SORCS2: variants seen among roughly 807,000 people sequenced by gnomAD.
SORCS2 encodes the protein sortilin related VPS10 domain containing receptor 2.
A neutral mutation model predicts 141.6 loss-of-function variants in SORCS2; 100 were observed. The observed-to-expected ratio is 0.71, with a 90% CI of 0.60 to 0.83. SORCS2 has a LOEUF of 0.83. SORCS2 is among the 40% of genes least tolerant of loss of function. The pLI is 0.00. For synonymous variants in SORCS2, 789 were observed against 676.9 expected (o/e 1.17, Z -2.57); for missense variants, 1,646 against 1,560.2 (o/e 1.05, Z -0.93).
At chr4:7,373,496 T>A (rs1162369577) in intron 1 of SORCS2, among the ~76,000 whole-genome samples, 1 of 89,216 alleles carries the variant, frequency 1.1e-5, no homozygotes, top group African/African-American at 5.1e-5. Flanking sequence ...TTTTTTTTTT[T>A]TTTTTTTTTT....
In SORCS2 at chr4:7,260,977, C is replaced by T. The variant is rs1294139369; in HGVS notation, c.480+67851C>T. Among the ~76,000 whole-genome samples, 3 of 152,146 alleles carry T rather than the reference C, an allele frequency of 2.0e-5. No individual in the cohort carries two copies. The South Asian group carries it at 6.2e-4, about 32-fold the overall frequency. On this transcript the variant is annotated intron_variant, in intron 1 of 26. Transcript: ENST00000507866. ...CACTGAACTTAGTTGATCACGGATC[C>T]CTGTTTTGTTGTTGTTTTTACCTTA...
chr4:7,623,764 C>T (rs1215232096), intron 3 of SORCS2, among the ~76,000 whole-genome samples: 1 of 152,230 alleles, frequency 6.6e-6, no homozygotes, highest in African/African-American at 2.4e-5. Context: ...CGCTTATGCG[C>T]TTTGTCGGTC....
At chr4:7,721,310 A>C (rs558933870) in intron 18 of SORCS2, among the ~76,000 whole-genome samples, 7 of 152,168 alleles carry the variant, frequency 4.6e-5, no homozygotes, top group Non-Finnish European at 1.0e-4. Flanking sequence ...GCTAAAAAAA[A>C]CAAAACTTAG....
intron 1 of SORCS2, among the ~76,000 whole-genome samples, chr4:7,230,136 G>C (rs879055328): frequency 7.6e-5 from 11 of 145,200 alleles, no homozygotes; most frequent in East Asian, 6.3e-4. Flanking sequence ...CTGGGCAGGA[G>C]TAGTGTCATG....
chr4:7,563,479 G>A (rs769264528), intron 3 of SORCS2, among the ~76,000 whole-genome samples: 75 of 152,210 alleles, frequency 4.9e-4, no homozygotes, highest in Middle Eastern at 3.4e-3. Context: ...CAGGAGTTTC[G>A]TGGGGGCATT....
chr4:7,303,000 G>A (rs1717546126), intron 1 of SORCS2, among the ~76,000 whole-genome samples: 1 of 152,184 alleles, frequency 6.6e-6, no homozygotes, highest in South Asian at 2.1e-4. Context: ...AAGCCTCCGT[G>A]GAGGGTCTCT....
chr4:7,373,477 T>TATATATATATATA (rs1399174075), intron 1 of SORCS2, among the ~76,000 whole-genome samples: 1 of 66,498 alleles, frequency 1.5e-5, no homozygotes, highest in Admixed American at 1.8e-4. Context: ...TATATATATA[T>TATATATATATATA]ATTTTTTTTT....
intron 2 of SORCS2, among the ~76,000 whole-genome samples, chr4:7,452,801 G>T (rs528358835): frequency 6.6e-6 from 1 of 152,334 alleles, no homozygotes; most frequent in Admixed American, 6.5e-5. Context: ...TTAGTGTCAG[G>T]CGCCATGTTG....
intron 3 of SORCS2, among the ~76,000 whole-genome samples, chr4:7,572,493 T>G (rs940657343): frequency 6.6e-6 from 1 of 152,236 alleles, no homozygotes; most frequent in Non-Finnish European, 1.5e-5. Flanking sequence ...CAATAAGATA[T>G]TCAACACTGT....
chr4:7,537,516 TAG>T (rs140010061), intron 3 of SORCS2, among the ~76,000 whole-genome samples: 2,115 of 152,126 alleles, frequency 0.014, 21 homozygotes, highest in Middle Eastern at 0.034. Flanking sequence ...TGCTTGGTGC[TAG>T]AGAGAGAGAG....
intron 2 of SORCS2, among the ~76,000 whole-genome samples, chr4:7,517,399 T>C (rs1000079103): frequency 1.3e-5 from 2 of 152,226 alleles, no homozygotes; most frequent in African/African-American, 2.4e-5. Context: ...TCATGCATGT[T>C]TTAAAGTAGA....
chr4:7,613,989 C>T (rs1004984197), intron 3 of SORCS2, among the ~76,000 whole-genome samples: 3 of 152,042 alleles, frequency 2.0e-5, no homozygotes, highest in Non-Finnish European at 4.4e-5. Flanking sequence ...ATCCATCTAT[C>T]CATCCACCTA....
intron 1 of SORCS2, among the ~76,000 whole-genome samples, chr4:7,368,996 G>T (rs752409961): frequency 3.9e-5 from 6 of 152,158 alleles, no homozygotes; most frequent in Non-Finnish European, 8.8e-5. Flanking sequence ...CAGCCATGTG[G>T]AATTGTGAGT....
At position 7,677,409 on chromosome 4, in the gene SORCS2, A is replaced by G. The variant is rs1271395039; in HGVS notation, c.1341+1180A>G. Among the ~76,000 whole-genome samples the G allele has an allele frequency of 5.3e-5, 8 of 152,364 alleles. No individual in the cohort carries two copies. The East Asian group carries it at 1.4e-3, about 26-fold the overall frequency. On this transcript the variant is annotated intron_variant, in intron 9 of 26. Coordinates refer to ENST00000507866, the MANE Select transcript of SORCS2 (RefSeq NM_020777.3). The stretch of plus-strand genomic sequence containing the variant: ...TGTACAGGCCAGAAAACTGAGGCTC[A>G]GAGAAGGCAAATGACCTGCCCAGGC...
At chr4:7,549,997 C>T (rs1472045733) in intron 3 of SORCS2, among the ~76,000 whole-genome samples, 1 of 151,956 alleles carries the variant, frequency 6.6e-6, no homozygotes, top group Non-Finnish European at 1.5e-5. Flanking sequence ...TTCGATGTAA[C>T]TAAAATATGA....
chr4:7,576,743 G>T (rs1044707765), intron 3 of SORCS2, among the ~76,000 whole-genome samples: 1 of 152,200 alleles, frequency 6.6e-6, no homozygotes, highest in Non-Finnish European at 1.5e-5. Context: ...ATGGTAGGGG[G>T]TTGAGAGTCT....
intron 1 of SORCS2, among the ~76,000 whole-genome samples, chr4:7,235,426 C>T (rs1295726926): frequency 6.6e-6 from 1 of 152,248 alleles, no homozygotes; most frequent in Non-Finnish European, 1.5e-5. Context: ...GGCATGGCCA[C>T]TGGCCTGAGG....
intron 2 of SORCS2, among the ~76,000 whole-genome samples, chr4:7,473,058 A>G (rs1028448347): frequency 1.3e-5 from 2 of 152,116 alleles, no homozygotes; most frequent in Admixed American, 6.5e-5. Context: ...TGCTCAGGAT[A>G]TCGGCCGACC....
At chr4:7,196,262 A>G (rs571550896) in intron 1 of SORCS2, among the ~76,000 whole-genome samples, 18 of 152,308 alleles carry the variant, frequency 1.2e-4, no homozygotes, top group African/African-American at 4.1e-4. Flanking sequence ...TGGGCTGTGC[A>G]CACACAGCTC....
Sources: allele counts gnomAD v4.1 joint callset (sites outside exome capture counted in the v4.1 genomes callset), GRCh38; gene constraint gnomAD v4.1.1; transcripts MANE v1.5; gene names NCBI Gene and HGNC (gene_info 2026-07-23, HGNC 2026-07-21).